Variants in ITPR2 observed in about 807,000 individuals in gnomAD.
ITPR2 encodes inositol 1,4,5-trisphosphate receptor type 2.
ITPR2 carries 207 observed loss-of-function variants against 317.1 expected under a neutral mutation model. That is an observed-to-expected ratio of 0.65 (90% confidence interval 0.58 to 0.73). The LOEUF (loss-of-function observed/expected upper bound fraction) is 0.73, where lower values mean the gene tolerates loss of function less well. Among genes scored for constraint, ITPR2 ranks in the 30% least tolerant of loss-of-function variants. ITPR2 has a pLI of 0.00. For missense variants in ITPR2, 2,613 were observed against 3,284.0 expected (o/e 0.80, Z 4.99); for synonymous variants, 1,156 against 1,149.1 (o/e 1.01, Z -0.12).
intron 2 of ITPR2, among the ~76,000 whole-genome samples, chr12:26,766,668 G>A (rs774342675): frequency 1.3e-5 from 2 of 152,062 alleles, no homozygotes; most frequent in African/African-American, 2.4e-5. Flanking sequence ...CTATGGTTTG[G>A]TGTTGTATCT....
chr12:26,454,266 G>A (rs747284761), intron 45 of ITPR2, among the ~76,000 whole-genome samples: 10 of 152,024 alleles, frequency 6.6e-5, no homozygotes, highest in Admixed American at 3.9e-4. Context: ...GTGCAGTGGC[G>A]CAATCTCAGC....
intron 32 of ITPR2, among the ~76,000 whole-genome samples, chr12:26,587,392 G>A (rs1416441736): frequency 1.3e-5 from 2 of 152,022 alleles, no homozygotes; most frequent in Non-Finnish European, 2.9e-5. Flanking sequence ...ATATAGGGTG[G>A]TTGGCAAAGC....
Position 26,345,557 on chromosome 12 carries a change from T to C in ITPR2, c.7858-5229A>G, listed in dbSNP as rs188306446. On this transcript the variant is annotated intron_variant, in intron 55 of 56. Coordinates refer to ENST00000381340, the MANE Select transcript of ITPR2 (RefSeq NM_002223.4). Reference sequence around the variant, plus strand: ...TGGACTGTAGTTGACTGTGGGTAACTGGAAGCACAGAAAACAAAGCCATGG... The same window carrying C: ...TGGACTGTAGTTGACTGTGGGTAACCGGAAGCACAGAAAACAAAGCCATGG... Among the ~76,000 whole-genome samples the C allele has an allele frequency of 2.7e-4, 41 of 152,324 alleles. 1 individual carries two copies. In the East Asian group the frequency reaches 7.1e-3, roughly 27 times the overall value.
intron 21 of ITPR2, among the ~76,000 whole-genome samples, chr12:26,649,816 GA>G (rs1225770066): frequency 6.7e-6 from 1 of 149,014 alleles, no homozygotes; most frequent in Non-Finnish European, 1.5e-5. Context: ...TAGATAGATA[GA>G]TAGATAGACA....
Position 26,338,549 on chromosome 12 carries a change from T to C in ITPR2, c.*848A>G, listed in dbSNP as rs1937997179. 2 of 152,462 alleles carry C rather than the reference T, an allele frequency of 1.3e-5. No individual in the cohort carries two copies. 9.4% of individuals were successfully genotyped at this position (152,462 alleles called of 1,614,324 possible). A position where few individuals can be genotyped will look rare whatever the true frequency, so the allele number is the denominator to read the frequency against. On this transcript the variant is annotated 3_prime_UTR_variant, in exon 57 of 57. Coordinates refer to ENST00000381340, the MANE Select transcript of ITPR2 (RefSeq NM_002223.4). ...CAATAATTCCTATCACTTTTAAGCA[T>C]TTTCATGTATTAATCTCAATATATT...
intron 32 of ITPR2, among the ~76,000 whole-genome samples, chr12:26,585,368 T>A (rs1945498579): frequency 6.6e-6 from 1 of 152,218 alleles, no homozygotes; most frequent in Non-Finnish European, 1.5e-5. Context: ...TTTAACCGTT[T>A]GTCAAATATT....
rs1942432375 is a variant in ITPR2, at chr12:26,477,008, C to G, written c.6124-1G>C. 1.9e-6 allele frequency: 3 copies of G among 1,593,024 alleles called. No individual in the cohort carries two copies. The African/African-American group carries it at 4.0e-5, about 21-fold the overall frequency. On this transcript the variant is annotated splice_acceptor_variant, in intron 43 of 56. Transcript: ENST00000381340. LOFTEE classifies it high-confidence loss of function. ...CCAGCAAAAGTTTAGATGCATTGTT[C>G]TAGAGACACAGATTGAGTTAATGTG... is the stretch of plus-strand genomic sequence containing the variant.
intron 1 of ITPR2, among the ~76,000 whole-genome samples, chr12:26,812,007 C>CA (rs1184077687): frequency 2.7e-5 from 4 of 148,932 alleles, no homozygotes; most frequent in Non-Finnish European, 4.5e-5. Flanking sequence ...ACTAAAAATA[C>CA]AAAAAATTAG....
At position 26,550,307 on chromosome 12, in the gene ITPR2, G is replaced by C; in HGVS notation, c.5013C>G (p.Cys1671Trp). Residue 1671 changes from cysteine (C) to tryptophan (W), a missense_variant, in exon 37 of 57, where the codon TGC (cysteine) becomes TGG (tryptophan). Cys to Trp is a radical substitution (Grantham distance 215, BLOSUM62 -2). Coordinates refer to ENST00000381340, the MANE Select transcript of ITPR2 (RefSeq NM_002223.4). ...CTCGTAATGTCTGAAGAATTTTAAT[G>C]CACAGTTTTTCTTCTTTCTCCATTA... ...KKLMEKEEKL[C>W]IKILQTLREM... 1 of 1,546,634 alleles carries C rather than the reference G, an allele frequency of 6.5e-7. No homozygotes were observed. The highest frequency in any genetic ancestry group is 1.1e-5 in the South Asian group (1 of 87,532).
intron 10 of ITPR2, among the ~76,000 whole-genome samples, chr12:26,687,846 T>G (rs1046182869): frequency 6.6e-6 from 1 of 152,128 alleles, no homozygotes. Flanking sequence ...GAGACCAAAA[T>G]TCAGAGTTAA....
chr12:26,826,180 C>T (rs1951007217), intron 1 of ITPR2, among the ~76,000 whole-genome samples: 1 of 151,138 alleles, frequency 6.6e-6, no homozygotes, highest in Admixed American at 6.6e-5. Context: ...GTGGAGGGAT[C>T]GCTTGAGCCC....
chr12:26,462,277 G>A (rs1050307061), intron 45 of ITPR2, among the ~76,000 whole-genome samples: 1 of 151,598 alleles, frequency 6.6e-6, no homozygotes, highest in East Asian at 1.9e-4. Flanking sequence ...AGTGATTCTC[G>A]TGCCTCAGCT....
At chr12:26,642,036 C>T (rs1054218531) in intron 21 of ITPR2, among the ~76,000 whole-genome samples, 3 of 152,128 alleles carry the variant, frequency 2.0e-5, no homozygotes, top group Admixed American at 2.0e-4. Flanking sequence ...GTGAGAGAAC[C>T]AGCCTCAGGA....
intron 37 of ITPR2, among the ~76,000 whole-genome samples, chr12:26,532,646 A>G (rs1313627854): frequency 6.6e-6 from 1 of 152,110 alleles, no homozygotes; most frequent in Non-Finnish European, 1.5e-5. Flanking sequence ...TTTGCACACA[A>G]TGGACTGTAA....
Position 26,477,004 on chromosome 12 carries a change from T to C in ITPR2, c.6127A>G (p.Asn2043Asp). ...RMDLVLQLKNNASKLLLAIME... is the reference protein window; with the variant it reads ...RMDLVLQLKNDASKLLLAIME... ...ATGGCCAGCAAAAGTTTAGATGCAT[T>C]GTTCTAGAGACACAGATTGAGTTAA... The change falls in exon 44 of 57, where the codon AAT becomes GAT. Residue 2043 changes from asparagine (N) to aspartate (D), a missense_variant. Transcript: ENST00000381340. 1.3e-6 allele frequency: 2 copies of C among 1,599,324 alleles called. No individual in the cohort carries two copies. The highest frequency in any genetic ancestry group is 8.6e-7 in the Non-Finnish European group (1 of 1,167,188).
chr12:26,442,848 T>C (rs1941517214), intron 46 of ITPR2, among the ~76,000 whole-genome samples: 1 of 152,136 alleles, frequency 6.6e-6, no homozygotes, highest in African/African-American at 2.4e-5. Flanking sequence ...TGAATGAATG[T>C]ATAAATGTAA....
At chr12:26,782,227 A>G (rs751067268) in intron 2 of ITPR2, among the ~76,000 whole-genome samples, 1 of 151,816 alleles carries the variant, frequency 6.6e-6, no homozygotes, top group Non-Finnish European at 1.5e-5. Flanking sequence ...GCATCCAAAA[A>G]TGAGAGGAGT....
At chr12:26,594,163 G>A (rs1341927888) in intron 32 of ITPR2, among the ~76,000 whole-genome samples, 3 of 152,132 alleles carry the variant, frequency 2.0e-5, no homozygotes, top group Non-Finnish European at 2.9e-5. Flanking sequence ...TTCTCTACAG[G>A]TGCATATTTA....
chr12:26,382,152 T>C (rs1292557731), intron 55 of ITPR2, among the ~76,000 whole-genome samples: 1 of 152,208 alleles, frequency 6.6e-6, no homozygotes, highest in East Asian at 1.9e-4. Flanking sequence ...CTAAATTTTC[T>C]TTTATTATTT....
Sources: gnomAD v4.1 joint callset for allele counts (sites outside exome capture counted in the v4.1 genomes callset) on GRCh38, gnomAD v4.1.1 for gene constraint, MANE v1.5 for transcripts, NCBI Gene and HGNC (gene_info 2026-07-23, HGNC 2026-07-21) for gene names.